The following ADAMTS19 variants were observed in gnomAD, a reference collection of about 807,000 sequenced individuals.
ADAMTS19 encodes A disintegrin and metalloproteinase with thrombospondin motifs 19.
Under a neutral mutation model 153.3 loss-of-function variants are expected in ADAMTS19, and 93 were observed. That is an observed-to-expected ratio of 0.61 (90% CI 0.51 to 0.72). The LOEUF (loss-of-function observed/expected upper bound fraction) is 0.72. ADAMTS19 is among the 30% of genes least tolerant of loss of function. ADAMTS19 has a pLI of 0.00. For missense variants in ADAMTS19, 1,482 were observed against 1,552.1 expected (o/e 0.95, Z 0.76); for synonymous variants, 600 against 556.6 (o/e 1.08, Z -1.10).
chr5:129,526,205 T>A lies in ADAMTS19; in HGVS notation c.914-79T>A, dbSNP rs536698474. On this transcript the variant is annotated intron_variant, in intron 3 of 22. Coordinates refer to ENST00000274487, the MANE Select transcript of ADAMTS19 (RefSeq NM_133638.6). The stretch of plus-strand genomic sequence containing the variant: ...TGTGTGTCGGGAACTTATTTGGGTT[T>A]GCTCATTATTAAATATGTTTAATAT... 3 of 1,244,722 alleles carry A rather than the reference T, an allele frequency of 2.4e-6. No homozygotes were observed. In the East Asian group the frequency reaches 8.6e-5, roughly 36 times the overall value. 77.1% of individuals were successfully genotyped at this position (1,244,722 alleles called of 1,614,324 possible). A position where few individuals can be genotyped will look rare whatever the true frequency, so the allele number is the denominator to read the frequency against.
intron 14 of ADAMTS19, among the ~76,000 whole-genome samples, chr5:129,658,359 A>AAGAGAGAGAGAGAGAG (rs1260172299): frequency 7.6e-6 from 1 of 132,400 alleles, no homozygotes; most frequent in Non-Finnish European, 1.6e-5. Context: ...GAAAGAAAGA[A>AAGAGAGAGAGAGAGAG]AGAAAGAAAG....
intron 6 of ADAMTS19, among the ~76,000 whole-genome samples, chr5:129,546,192 C>G (rs927607301): frequency 6.8e-6 from 1 of 146,784 alleles, no homozygotes; most frequent in Non-Finnish European, 1.5e-5. Flanking sequence ...ACAATGAGAT[C>G]ACATGGACAC....
In ADAMTS19 at chr5:129,738,257, A is replaced by C. The variant is rs1165297690; in HGVS notation, c.*1039A>C. ...GTGAAACGTTCAAAAGCCAGCTTAA[A>C]ATTTTTCTTGTGAGAAAATATTATA... On this transcript the variant is annotated 3_prime_UTR_variant, in exon 23 of 23. Coordinates refer to ENST00000274487, the MANE Select transcript of ADAMTS19 (RefSeq NM_133638.6). The C allele has an allele frequency of 6.6e-6, 1 of 152,070 alleles. No individual in the cohort carries two copies. The highest frequency in any genetic ancestry group is 1.5e-5 in the Non-Finnish European group (1 of 67,982). 9.4% of individuals were successfully genotyped at this position (152,070 alleles called of 1,614,324 possible). A position where few individuals can be genotyped will look rare whatever the true frequency, so the allele number is the denominator to read the frequency against.
chr5:129,522,356 T>C (rs1230381335), intron 3 of ADAMTS19, among the ~76,000 whole-genome samples: 5 of 128,758 alleles, frequency 3.9e-5, no homozygotes, highest in Non-Finnish European at 8.4e-5. Context: ...TATATATATA[T>C]ATATATATAT....
At chr5:129,620,972 C>T (rs1751753630) in intron 9 of ADAMTS19, among the ~76,000 whole-genome samples, 1 of 152,036 alleles carries the variant, frequency 6.6e-6, no homozygotes, top group Non-Finnish European at 1.5e-5. Context: ...TCAAAAAGGA[C>T]AGTTAAGATT....
intron 6 of ADAMTS19, among the ~76,000 whole-genome samples, chr5:129,545,791 C>G (rs1353290278): frequency 2.0e-5 from 3 of 150,772 alleles, no homozygotes; most frequent in African/African-American, 5.0e-5. Context: ...GTTGGTGGGA[C>G]TGTAAACTAG....
At chr5:129,660,974 G>T (rs1176449931) in intron 15 of ADAMTS19, among the ~76,000 whole-genome samples, 1 of 151,986 alleles carries the variant, frequency 6.6e-6, no homozygotes, top group African/African-American at 2.4e-5. Flanking sequence ...AACAGCCTCC[G>T]CCACACACAC....
chr5:129,608,112 G>GTATATATATATATATA (rs1219945367), intron 8 of ADAMTS19, among the ~76,000 whole-genome samples: 21 of 31,838 alleles, frequency 6.6e-4, no homozygotes, highest in Admixed American at 1.5e-3. Flanking sequence ...GTGTGTGTGT[G>GTATATATATATATATA]TGTGTATATA....
chr5:129,561,548 A>G (rs1002963382), intron 7 of ADAMTS19, among the ~76,000 whole-genome samples: 16 of 152,022 alleles, frequency 1.1e-4, no homozygotes, highest in African/African-American at 3.4e-4. Flanking sequence ...AAAAAAAAAA[A>G]AAAGAAAAAT....
chr5:129,594,716 C>G (rs1381583252), intron 7 of ADAMTS19, among the ~76,000 whole-genome samples: 1 of 151,918 alleles, frequency 6.6e-6, no homozygotes, highest in African/African-American at 2.4e-5. Flanking sequence ...ATGTTTAAAT[C>G]AAATTTTAAA....
At chr5:129,648,135 T>C (rs1411627906) in intron 12 of ADAMTS19, among the ~76,000 whole-genome samples, 1 of 152,174 alleles carries the variant, frequency 6.6e-6, no homozygotes. Context: ...AGTAAATCTA[T>C]AAAATATTTC....
chr5:129,480,271 A>G (rs927104827), intron 2 of ADAMTS19, among the ~76,000 whole-genome samples: 1 of 152,162 alleles, frequency 6.6e-6, no homozygotes, highest in Non-Finnish European at 1.5e-5. Flanking sequence ...GCTGCCTCAC[A>G]ACAGCCACAA....
At chr5:129,532,581 T>A (rs1752249318) in intron 6 of ADAMTS19, among the ~76,000 whole-genome samples, 1 of 152,206 alleles carries the variant, frequency 6.6e-6, no homozygotes, top group African/African-American at 2.4e-5. Flanking sequence ...CATCCGCTTC[T>A]TAGATATTTA....
intron 3 of ADAMTS19, among the ~76,000 whole-genome samples, chr5:129,518,944 C>A (rs1751699799): frequency 6.6e-6 from 1 of 151,994 alleles, no homozygotes; most frequent in Admixed American, 6.6e-5. Flanking sequence ...ATCACTAATT[C>A]TTTCTTTTGT....
chr5:129,518,784 C>G (rs534432037), intron 3 of ADAMTS19, among the ~76,000 whole-genome samples: 55 of 152,030 alleles, frequency 3.6e-4, no homozygotes, highest in Non-Finnish European at 6.6e-4. Flanking sequence ...CTACCTTTAT[C>G]TCTTTTTCTA....
In ADAMTS19 at chr5:129,635,644, T is replaced by G. The variant is rs574963269; in HGVS notation, c.1771-6215T>G. ...GGAGCCATTATTATTAGCAAACTAA[T>G]GCAGGAACAGAAAACCGAATACCAC... On this transcript the variant is annotated intron_variant, in intron 10 of 22. Transcript: ENST00000274487. Among the ~76,000 whole-genome samples, 15 of 152,248 alleles carry G rather than the reference T, an allele frequency of 9.9e-5. No homozygotes were observed. In the South Asian group the frequency reaches 3.1e-3, roughly 32 times the overall value.
chr5:129,606,185 C>T (rs535475064), intron 8 of ADAMTS19, among the ~76,000 whole-genome samples: 1 of 152,240 alleles, frequency 6.6e-6, no homozygotes, highest in South Asian at 2.1e-4. Context: ...ACCAAGAATA[C>T]AGACGTCTTG....
At position 129,710,967 on chromosome 5, in the gene ADAMTS19, G is replaced by A. The variant is rs143993419; in HGVS notation, c.3312+6576G>A. 6.2e-3 allele frequency among the ~76,000 whole-genome samples: 943 copies of A among 152,174 alleles called. 12 individuals are homozygous for A. Among genetic ancestry groups the A allele is most frequent in the African/African-American group, 0.021 (862 of 41,496 alleles). On this transcript the variant is annotated intron_variant, in intron 21 of 22. Coordinates refer to ENST00000274487, the MANE Select transcript of ADAMTS19 (RefSeq NM_133638.6). ...TAAAGGGGGATTTCTTGCTGCCCCA[G>A]GGCTAGGCTAGACCTTAGGACTATG...
At chr5:129,470,834 A>T (rs1406862269) in intron 2 of ADAMTS19, among the ~76,000 whole-genome samples, 1 of 151,904 alleles carries the variant, frequency 6.6e-6, no homozygotes, top group Non-Finnish European at 1.5e-5. Flanking sequence ...CTGCTTTTCT[A>T]TTGTTTTCCG....
Sources: gnomAD v4.1 joint callset for allele counts (sites outside exome capture counted in the v4.1 genomes callset) on GRCh38, gnomAD v4.1.1 for gene constraint, MANE v1.5 for transcripts, NCBI Gene and HGNC (gene_info 2026-07-23, HGNC 2026-07-21) for gene names.